EML5: variants seen among roughly 807,000 people sequenced by gnomAD.
The protein encoded by EML5 is echinoderm microtubule-associated protein-like 5.
In EML5, 120 loss-of-function variants were observed where a neutral mutation model predicts 250.0. The ratio of observed to expected loss-of-function variants is 0.48; its 90% CI spans 0.41 to 0.56. EML5 has a LOEUF of 0.56. EML5 is among the 20% of genes least tolerant of loss of function. EML5 has a pLI of 0.00. For missense variants in EML5, 2,006 were observed against 2,437.6 expected, an observed-to-expected ratio of 0.82 and a Z score of 3.73; for synonymous variants, 771 against 806.5, an observed-to-expected ratio of 0.96 and a Z score of 0.75.
intron 2 of EML5, among the ~76,000 whole-genome samples, chr14:88,753,134 G>T (rs2094119890): frequency 6.6e-6 from 1 of 152,142 alleles, no homozygotes; most frequent in Non-Finnish European, 1.5e-5. Flanking sequence ...ACCCTCTGGG[G>T]CTCCAGAGGT....
intron 1 of EML5, among the ~76,000 whole-genome samples, chr14:88,765,796 C>T (rs553607541): frequency 6.6e-6 from 1 of 152,152 alleles, no homozygotes; most frequent in African/African-American, 2.4e-5. Context: ...TTCCATTTTT[C>T]TACAACTTCT....
chr14:88,678,094 T>C (rs1595485985), intron 21 of EML5, among the ~76,000 whole-genome samples: 1 of 152,320 alleles, frequency 6.6e-6, no homozygotes, highest in Non-Finnish European at 1.5e-5. Flanking sequence ...ATATACACCA[T>C]GGGATACTAT....
chr14:88,656,479 CT>C (rs1368664667), intron 27 of EML5, among the ~76,000 whole-genome samples: 2 of 151,842 alleles, frequency 1.3e-5, no homozygotes, highest in Admixed American at 1.3e-4. Flanking sequence ...GAGTGGGGAG[CT>C]AGGGGAGGGA....
Position 88,695,347 on chromosome 14 carries a change from A to G in EML5, c.2438+14T>C, listed in dbSNP as rs2093052907. On this transcript the variant is annotated intron_variant, in intron 16 of 43. Transcript: ENST00000554922. ...CTAGTATTTTGCAAATGTGATATCA[A>G]GTTTTTTTCCTACCTTGCTATTGAA... The G allele has an allele frequency of 6.3e-7, 1 of 1,599,268 alleles. No individual in the cohort carries two copies.
At chr14:88,629,803 C>G (rs2090325039) in intron 33 of EML5, among the ~76,000 whole-genome samples, 1 of 152,132 alleles carries the variant, frequency 6.6e-6, no homozygotes, top group Admixed American at 6.6e-5. Context: ...GTATGCTGTT[C>G]TCAGTATCCA....
chr14:88,625,201 G>A, intron 35 of EML5, 74 bp from the exon 36 acceptor site: 1 of 1,520,054 alleles, frequency 6.6e-7, no homozygotes, highest in Non-Finnish European at 8.9e-7. Flanking sequence ...AATTTTCTAT[G>A]TATGTGTAAT....
chr14:88,636,894 G>A (rs1318435617), intron 32 of EML5, among the ~76,000 whole-genome samples: 1 of 152,098 alleles, frequency 6.6e-6, no homozygotes, highest in African/African-American at 2.4e-5. Context: ...GTGGCAGCAG[G>A]GTTCAAACAC....
At chr14:88,740,701 A>G (rs982658066) in intron 4 of EML5, 129 bp from the exon 5 acceptor site, 1 of 742,078 alleles carries the variant, frequency 1.3e-6, no homozygotes, top group African/African-American at 1.8e-5. Flanking sequence ...TTATGATAAA[A>G]TAGCATTCAA....
At chr14:88,683,938 T>C (rs576626588) in intron 20 of EML5, among the ~76,000 whole-genome samples, 1 of 152,150 alleles carries the variant, frequency 6.6e-6, no homozygotes, top group African/African-American at 2.4e-5. Flanking sequence ...CATTTAACAA[T>C]GTACTGGAGG....
intron 33 of EML5, among the ~76,000 whole-genome samples, chr14:88,632,507 C>A (rs1157737096): frequency 6.6e-6 from 1 of 152,220 alleles, no homozygotes; most frequent in Admixed American, 6.5e-5. Context: ...TCCCTCTCTA[C>A]ATTCATCTCA....
intron 25 of EML5, among the ~76,000 whole-genome samples, chr14:88,660,274 CG>C (rs2092034431): frequency 7.3e-6 from 1 of 137,884 alleles, no homozygotes. Context: ...CAGAGAGAGA[CG>C]CTGTCTTAAA....
chr14:88,748,109 A>T (rs1055291220), intron 2 of EML5, among the ~76,000 whole-genome samples: 1 of 152,152 alleles, frequency 6.6e-6, no homozygotes, highest in Non-Finnish European at 1.5e-5. Flanking sequence ...TAATTTGGAC[A>T]AACAGAGCCT....
intron 33 of EML5, among the ~76,000 whole-genome samples, chr14:88,630,571 G>A (rs1473995017): frequency 1.3e-5 from 2 of 152,080 alleles, no homozygotes; most frequent in Admixed American, 6.6e-5. Flanking sequence ...TGATAATACT[G>A]CCTCCACTCC....
intron 1 of EML5, among the ~76,000 whole-genome samples, chr14:88,755,091 A>T (rs2094143000): frequency 6.6e-6 from 1 of 152,228 alleles, no homozygotes; most frequent in Non-Finnish European, 1.5e-5. Flanking sequence ...GGTGTGAGCC[A>T]CCACGCCCAG....
intron 30 of EML5, 54 bp from the exon 31 acceptor site, chr14:88,643,076 CACT>C (rs1347336584): frequency 4.9e-5 from 74 of 1,502,624 alleles, no homozygotes; most frequent in Non-Finnish European, 5.9e-5. Context: ...AAATGTTCAC[CACT>C]GTTTTGTTGT....
intron 31 of EML5, among the ~76,000 whole-genome samples, chr14:88,642,353 A>G (rs2091109395): frequency 6.6e-6 from 1 of 152,190 alleles, no homozygotes. Context: ...GAATAACCCA[A>G]TCAGTTAAAT....
Position 88,738,988 on chromosome 14 carries a change from A to G in EML5, c.738T>C (p.Cys246=). 1.2e-6 allele frequency: 2 copies of G among 1,606,698 alleles called. No homozygotes were observed. Among genetic ancestry groups the G allele is most frequent in the Non-Finnish European group, 1.7e-6 (2 of 1,177,690 alleles). Residue 246 remains cysteine, a synonymous_variant, in exon 6 of 44, where the codon TGT becomes TGC. Coordinates refer to ENST00000554922, the MANE Select transcript of EML5 (RefSeq NM_183387.3). The part of the protein sequence containing the change: ...HAAGIFSMNA[C]EEGFATGGRD... ...TGCCACCAGTAGCAAAGCCTTCTTC[A>G]CAAGCATTCATGCTAAAAATTCCTG...
intron 4 of EML5, among the ~76,000 whole-genome samples, chr14:88,742,466 ATTCAT>A (rs2093938533): frequency 2.0e-5 from 3 of 152,202 alleles, no homozygotes; most frequent in Admixed American, 2.0e-4. Flanking sequence ...CTATGTTACT[ATTCAT>A]TTCTTCTAGC....
chr14:88,760,600 G>C (rs2094225944), intron 1 of EML5, among the ~76,000 whole-genome samples: 1 of 152,068 alleles, frequency 6.6e-6, no homozygotes, highest in African/African-American at 2.4e-5. Flanking sequence ...AATACTGTGA[G>C]TCCTCTACCT....
Sources: gnomAD v4.1 joint callset for allele counts (sites outside exome capture counted in the v4.1 genomes callset) on GRCh38, gnomAD v4.1.1 for gene constraint, MANE v1.5 for transcripts, NCBI Gene and HGNC (gene_info 2026-07-23, HGNC 2026-07-21) for gene names.